The following CAMTA1 variants were observed in gnomAD, a reference collection of about 807,000 sequenced individuals.
The protein encoded by CAMTA1 is calmodulin-binding transcription activator 1.
CAMTA1 carries 27 observed loss-of-function variants against 170.9 expected under a neutral mutation model. The observed-to-expected ratio is 0.16, with a 90% CI of 0.12 to 0.22. The LOEUF is 0.22. Among genes scored for constraint, CAMTA1 ranks in the 10% least tolerant of loss-of-function variants. The pLI, the probability that CAMTA1 is intolerant of heterozygous loss-of-function variation, is 1.00. For missense variants in CAMTA1, 1,619 were observed against 2,217.2 expected (o/e 0.73, Z 5.42); for synonymous variants, 833 against 891.5 (o/e 0.93, Z 1.17).
intron 1 of CAMTA1, among the ~76,000 whole-genome samples, chr1:6,788,451 G>T (rs1310134665): frequency 6.6e-6 from 1 of 152,186 alleles, no homozygotes; most frequent in Admixed American, 6.5e-5. Flanking sequence ...GAGTCGTCCA[G>T]TGGGCCTGAT....
At chr1:7,111,404 A>T (rs1644029331) in intron 4 of CAMTA1, among the ~76,000 whole-genome samples, 1 of 152,146 alleles carries the variant, frequency 6.6e-6, no homozygotes, top group Admixed American at 6.5e-5. Flanking sequence ...AGAAATTTCT[A>T]TTGAGAAGAA....
intron 6 of CAMTA1, among the ~76,000 whole-genome samples, chr1:7,631,660 C>T (rs1266368003): frequency 6.6e-6 from 1 of 152,206 alleles, no homozygotes; most frequent in Non-Finnish European, 1.5e-5. Context: ...CCCAAGGAGA[C>T]AGCAGCCTGC....
chr1:7,650,293 C>A (rs1237383331), intron 7 of CAMTA1, among the ~76,000 whole-genome samples: 1 of 152,220 alleles, frequency 6.6e-6, no homozygotes, highest in African/African-American at 2.4e-5. Flanking sequence ...CTCAGGATGG[C>A]TCTAAAGTGC....
intron 5 of CAMTA1, among the ~76,000 whole-genome samples, chr1:7,256,961 G>A (rs7515762): frequency 0.6 from 90,656 of 151,810 alleles, 27,744 homozygotes; most frequent in African/African-American, 0.66. Context: ...GGGAGGGCAG[G>A]AGGAGCTCTC....
At chr1:7,319,470 A>G (rs1236035411) in intron 5 of CAMTA1, among the ~76,000 whole-genome samples, 1 of 152,136 alleles carries the variant, frequency 6.6e-6, no homozygotes. Context: ...GCCTTCTGCC[A>G]TGATTGTAAG....
At chr1:7,552,731 G>T (rs965797094) in intron 6 of CAMTA1, among the ~76,000 whole-genome samples, 29 of 152,346 alleles carry the variant, frequency 1.9e-4, no homozygotes, top group East Asian at 1.3e-3. Context: ...GCCCAGTTCC[G>T]CAATGGTGCA....
intron 3 of CAMTA1, among the ~76,000 whole-genome samples, chr1:6,909,423 C>A (rs1679247568): frequency 6.6e-6 from 1 of 152,194 alleles, no homozygotes; most frequent in African/African-American, 2.4e-5. Context: ...TGGAAGCAGG[C>A]ACAATTTGGA....
chr1:7,245,883 G>C (rs956343762), intron 4 of CAMTA1, among the ~76,000 whole-genome samples: 2 of 152,176 alleles, frequency 1.3e-5, no homozygotes, highest in Non-Finnish European at 2.9e-5. Context: ...GAGGAGGAAT[G>C]CAAATGAAGG....
chr1:6,943,407 A>G (rs1450391613), intron 3 of CAMTA1, among the ~76,000 whole-genome samples: 2 of 152,108 alleles, frequency 1.3e-5, no homozygotes, highest in East Asian at 1.9e-4. Context: ...AGAGCGGGGA[A>G]GTGCAACCTG....
intron 5 of CAMTA1, among the ~76,000 whole-genome samples, chr1:7,439,242 G>T (rs1009094342): frequency 6.6e-6 from 1 of 152,124 alleles, no homozygotes; most frequent in Non-Finnish European, 1.5e-5. Flanking sequence ...TTTCTGCCTG[G>T]GTCCATGCTG....
At chr1:7,081,325 C>A (rs530172661) in intron 3 of CAMTA1, among the ~76,000 whole-genome samples, 2 of 152,220 alleles carry the variant, frequency 1.3e-5, no homozygotes, top group African/African-American at 4.8e-5. Flanking sequence ...GCTTCACATT[C>A]TGCTATGCCA....
At chr1:6,951,980 A>ACAG (rs1247920717) in intron 3 of CAMTA1, among the ~76,000 whole-genome samples, 1 of 152,116 alleles carries the variant, frequency 6.6e-6, no homozygotes, top group Non-Finnish European at 1.5e-5. Flanking sequence ...CCCTTGAACC[A>ACAG]CAGCCCCAAA....
At position 7,680,252 on chromosome 1, in the gene CAMTA1, CT is replaced by C. The variant is rs2096175812; in HGVS notation, c.2914+2520del. The C allele has an allele frequency of 4.2e-6, 1 of 236,160 alleles. No individual in the cohort carries two copies. Among genetic ancestry groups the C allele is most frequent in the Non-Finnish European group, 9.1e-6 (1 of 109,842 alleles). The allele number at this position is 236,160 out of a possible 1,614,324, so 14.6% of individuals were successfully genotyped here. A position where few individuals can be genotyped will look rare whatever the true frequency, so the allele number is the denominator to read the frequency against. On this transcript the variant is annotated intron_variant, in intron 11 of 22. Coordinates refer to ENST00000303635, the MANE Select transcript of CAMTA1 (RefSeq NM_015215.4). This position sits in a 1 kb window ranked among gnomAD's most constrained non-coding sequence, Gnocchi z 4.4. The stretch of plus-strand genomic sequence containing the variant: ...GTTCCCCGCCTGTCCCTCCCGGCCC[CT>C]CCCCTCGGTCTCCGCAGCTTCTCGG...
At position 7,671,946 on chromosome 1, in the gene CAMTA1, C is replaced by T. The variant is rs189176104; in HGVS notation, c.2779+909C>T. 903 of 453,936 alleles carry T rather than the reference C, an allele frequency of 2.0e-3. 6 individuals carry two copies. The highest frequency in any genetic ancestry group is 0.014 in the African/African-American group (689 of 50,092). 28.1% of individuals were successfully genotyped at this position (453,936 alleles called of 1,614,324 possible). The stretch of plus-strand genomic sequence containing the variant: ...TCACAGAGGGGGATGGAGATTGTGA[C>T]GGAATGAATGAGTCTCCAGGCATCT... On this transcript the variant is annotated intron_variant, in intron 10 of 22. Transcript: ENST00000303635.
In CAMTA1 at chr1:7,732,739, G is replaced by C. The variant is rs979961752; in HGVS notation, c.3066+140G>C. 4.8e-5 allele frequency: 59 copies of C among 1,220,852 alleles called. No homozygotes were observed. The Middle Eastern group carries it at 8.8e-4, about 18-fold the overall frequency. 75.6% of individuals were successfully genotyped at this position (1,220,852 alleles called of 1,614,324 possible). A position where few individuals can be genotyped will look rare whatever the true frequency, so the allele number is the denominator to read the frequency against. On this transcript the variant is annotated intron_variant, in intron 12 of 22. Transcript: ENST00000303635. The surrounding 1 kb of genome is among the most constrained non-coding windows in gnomAD (Gnocchi z 4.1). ...CAGAAGGCCTGAGGGAGTACTTTAC[G>C]GTACCTGTGCTTTTAAGCATTATAA...
At chr1:7,678,952 C>T (rs2096154516) in intron 11 of CAMTA1, among the ~76,000 whole-genome samples, 1 of 152,234 alleles carries the variant, frequency 6.6e-6, no homozygotes, top group African/African-American at 2.4e-5. Flanking sequence ...AGCCTTATCC[C>T]AGTCCCTGCC....
Position 7,587,241 on chromosome 1 carries a change from C to T in CAMTA1, c.511-53159C>T, listed in dbSNP as rs1198165192. ...CCTATTGGAGTTGAGCCCATCCACC[C>T]GCCGCCCCTGCAGGCGGCCCTGCTG... On this transcript the variant is annotated intron_variant, in intron 6 of 22. Transcript: ENST00000303635. 3.3e-5 allele frequency among the ~76,000 whole-genome samples: 5 copies of T among 152,068 alleles called. 1 individual carries two copies. The highest frequency in any genetic ancestry group is 6.5e-5 in the Admixed American group (1 of 15,286).
intron 3 of CAMTA1, among the ~76,000 whole-genome samples, chr1:6,892,982 A>C (rs1674858300): frequency 6.7e-6 from 1 of 149,246 alleles, no homozygotes; most frequent in African/African-American, 2.5e-5. Context: ...AGAACTGTTA[A>C]AAAAAAAAAG....
chr1:7,536,339 G>T (rs182680366), intron 6 of CAMTA1, among the ~76,000 whole-genome samples: 28 of 152,204 alleles, frequency 1.8e-4, no homozygotes, highest in South Asian at 6.2e-4. Context: ...CAGGGTGAGC[G>T]GCAGGGAGGG....
Sources: gnomAD v4.1 joint callset for allele counts (sites outside exome capture counted in the v4.1 genomes callset) on GRCh38, gnomAD v4.1.1 for gene constraint, Gnocchi (gnomAD v3.1) non-coding constraint, MANE v1.5 for transcripts, NCBI Gene and HGNC (gene_info 2026-07-23, HGNC 2026-07-21) for gene names.